Variants in LRRC7 observed in about 807,000 individuals in gnomAD.
LRRC7 encodes the protein leucine rich repeat containing 7, also known as leucine-rich repeat-containing protein 7.
Under a neutral mutation model 175.7 loss-of-function variants are expected in LRRC7, and 23 were observed. That is an observed-to-expected ratio of 0.13 (90% CI 0.09 to 0.19). The LOEUF (loss-of-function observed/expected upper bound fraction) is 0.19, where lower values mean the gene tolerates loss of function less well. Ranked by LOEUF, LRRC7 falls within the 10% of genes least tolerant of loss-of-function variation. The pLI is 1.00. For missense variants in LRRC7, 1,354 were observed against 1,904.7 expected (o/e 0.71, Z 5.38); for synonymous variants, 685 against 680.9 (o/e 1.01, Z -0.09).
intron 1 of LRRC7, among the ~76,000 whole-genome samples, chr1:69,674,803 CA>C (rs1408780279): frequency 6.6e-6 from 1 of 152,064 alleles, no homozygotes; most frequent in Non-Finnish European, 1.5e-5. Context: ...TTTTCCTCAA[CA>C]GTACTATCTG....
rs540631675 is a variant in LRRC7 at position 69,630,224 on chromosome 1, C to T, written c.3-48157C>T. 9.2e-5 allele frequency among the ~76,000 whole-genome samples: 14 copies of T among 152,118 alleles called. No homozygotes were observed. In the East Asian group the frequency reaches 1.9e-3, roughly 21 times the overall value. Reference sequence around the variant, plus strand: ...ATAGCAAACAACTTTGGATGTCTTCCGTATATATAATCTATTTCTCTGCTA... The same window carrying T: ...ATAGCAAACAACTTTGGATGTCTTCTGTATATATAATCTATTTCTCTGCTA... On this transcript the variant is annotated intron_variant, in intron 1 of 26. Coordinates refer to ENST00000651989, the MANE Select transcript of LRRC7 (RefSeq NM_001370785.2).
intron 24 of LRRC7, among the ~76,000 whole-genome samples, chr1:70,087,108 C>A (rs909837037): frequency 2.6e-5 from 4 of 152,164 alleles, no homozygotes; most frequent in Non-Finnish European, 4.4e-5. Context: ...ATCATTATTT[C>A]TCTTATTAAA....
At chr1:70,100,272 TA>T (rs1664718344) in intron 25 of LRRC7, among the ~76,000 whole-genome samples, 1 of 152,168 alleles carries the variant, frequency 6.6e-6, no homozygotes, top group Non-Finnish European at 1.5e-5. Flanking sequence ...ATATCATTTC[TA>T]AAAGCAATCT....
chr1:69,582,351 C>G (rs1407843941), intron 1 of LRRC7, among the ~76,000 whole-genome samples: 1 of 152,180 alleles, frequency 6.6e-6, no homozygotes, highest in Admixed American at 6.5e-5. Context: ...ACCTGTGGAA[C>G]AGCAGCAGCT....
chr1:69,837,671 T>C (rs1360422607), intron 6 of LRRC7, among the ~76,000 whole-genome samples: 1 of 151,848 alleles, frequency 6.6e-6, no homozygotes, highest in Non-Finnish European at 1.5e-5. Context: ...TTCAATTATC[T>C]ATTGAATGGA....
chr1:69,581,712 T>A (rs1395827308), intron 1 of LRRC7, among the ~76,000 whole-genome samples: 2 of 152,232 alleles, frequency 1.3e-5, no homozygotes, highest in African/African-American at 2.4e-5. Context: ...AAAAAGTTTT[T>A]AAATATATGA....
At chr1:70,058,660 G>A (rs1315888660) in intron 23 of LRRC7, among the ~76,000 whole-genome samples, 1 of 152,168 alleles carries the variant, frequency 6.6e-6, no homozygotes, top group African/African-American at 2.4e-5. Context: ...GCAACTATAT[G>A]AAGTAAGCAC....
At chr1:69,887,033 C>G (rs1340804800) in intron 7 of LRRC7, among the ~76,000 whole-genome samples, 2 of 151,114 alleles carry the variant, frequency 1.3e-5, no homozygotes, top group African/African-American at 4.9e-5. Flanking sequence ...CGACCTTTCT[C>G]TCTGGCTGCC....
At chr1:69,875,368 A>G (rs1434607792) in intron 7 of LRRC7, among the ~76,000 whole-genome samples, 2 of 152,070 alleles carry the variant, frequency 1.3e-5, no homozygotes, top group African/African-American at 2.4e-5. Flanking sequence ...GAAAACTTGT[A>G]TGTGTAGCAT....
At chr1:69,851,229 C>A (rs1461815308) in intron 7 of LRRC7, among the ~76,000 whole-genome samples, 6 of 152,220 alleles carry the variant, frequency 3.9e-5, no homozygotes, top group South Asian at 2.1e-4. Flanking sequence ...GCATTATGTG[C>A]AGCCTTATTA....
intron 10 of LRRC7, 56 bp downstream of exon 10, chr1:69,986,442 T>C: frequency 6.6e-7 from 1 of 1,505,398 alleles, no homozygotes; most frequent in Non-Finnish European, 9.0e-7. Flanking sequence ...ATTTTCTTTT[T>C]TGGAAGTATA....
intron 9 of LRRC7, among the ~76,000 whole-genome samples, chr1:69,984,998 A>C (rs1047300002): frequency 3.9e-5 from 6 of 152,130 alleles, no homozygotes; most frequent in African/African-American, 1.4e-4. Flanking sequence ...CACTTTATAA[A>C]GGCACGTGCT....
At chr1:69,862,819 C>T (rs1684503409) in intron 7 of LRRC7, among the ~76,000 whole-genome samples, 1 of 151,974 alleles carries the variant, frequency 6.6e-6, no homozygotes, top group African/African-American at 2.4e-5. Flanking sequence ...TACTATCCCT[C>T]CCTTAGACCC....
chr1:69,689,725 G>A (rs947591712), intron 2 of LRRC7, among the ~76,000 whole-genome samples: 1 of 152,080 alleles, frequency 6.6e-6, no homozygotes, highest in Non-Finnish European at 1.5e-5. Context: ...CAAACAAGTG[G>A]TCAGTGATTT....
At position 70,023,456 on chromosome 1, in the gene LRRC7, G is replaced by T. The variant is rs147439668; in HGVS notation, c.1794+82G>T. ...GTGGTTTATGGGGTATGTTCTGCAT[G>T]ATTTGGGGTAAGAAATGTTGATCAC... On this transcript the variant is annotated intron_variant, in intron 17 of 26. Transcript: ENST00000651989. 2.6e-4 allele frequency: 344 copies of T among 1,321,248 alleles called. 3 individuals carry two copies. The East Asian group carries it at 6.6e-3, about 25-fold the overall frequency. 81.8% of individuals were successfully genotyped at this position (1,321,248 alleles called of 1,614,324 possible).
At chr1:70,021,854 A>G (rs1657537018) in intron 16 of LRRC7, among the ~76,000 whole-genome samples, 1 of 152,200 alleles carries the variant, frequency 6.6e-6, no homozygotes, top group Non-Finnish European at 1.5e-5. Flanking sequence ...TCATGTTGGC[A>G]TGGCAACATC....
chr1:70,094,014 ATGTTCTTCC>A (rs998640977), intron 25 of LRRC7, among the ~76,000 whole-genome samples: 188 of 152,328 alleles, frequency 1.2e-3, no homozygotes, highest in African/African-American at 4.3e-3. Flanking sequence ...TCAGGGATTC[ATGTTCTTCC>A]TTGCTCCATC....
chr1:69,888,410 C>G (rs966829214), intron 7 of LRRC7, among the ~76,000 whole-genome samples: 1 of 152,138 alleles, frequency 6.6e-6, no homozygotes, highest in African/African-American at 2.4e-5. Context: ...CTTTCTTTGA[C>G]TTGGAAAGGG....
chr1:69,810,576 T>C (rs528344753), intron 4 of LRRC7, among the ~76,000 whole-genome samples: 14 of 152,158 alleles, frequency 9.2e-5, no homozygotes, highest in African/African-American at 3.4e-4. Context: ...AAAACAGATA[T>C]ATAGACCAAT....
Sources: allele counts gnomAD v4.1 joint callset (sites outside exome capture counted in the v4.1 genomes callset), GRCh38; gene constraint gnomAD v4.1.1; transcripts MANE v1.5; gene names NCBI Gene and HGNC (gene_info 2026-07-23, HGNC 2026-07-21).